The following DLGAP1 variants were observed in gnomAD, a reference collection of about 807,000 sequenced individuals.
The protein encoded by DLGAP1 is disks large-associated protein 1.
In DLGAP1, 11 loss-of-function variants were observed where a neutral mutation model predicts 90.8. The observed-to-expected ratio is 0.12, with a 90% CI of 0.08 to 0.20. DLGAP1 has a LOEUF of 0.20. Among genes scored for constraint, DLGAP1 ranks in the 10% least tolerant of loss-of-function variants. The pLI is 1.00. For synonymous variants in DLGAP1, 558 were observed against 540.7 expected, an observed-to-expected ratio of 1.03 and a Z score of -0.44; for missense variants, 1,050 against 1,333.8, an observed-to-expected ratio of 0.79 and a Z score of 3.31.
At chr18:4,259,191 G>A (rs940460021) in intron 1 of DLGAP1, among the ~76,000 whole-genome samples, 1 of 152,154 alleles carries the variant, frequency 6.6e-6, no homozygotes, top group Admixed American at 6.5e-5. Flanking sequence ...GCGATAGGTG[G>A]TTAGGTCAGA....
intron 1 of DLGAP1, among the ~76,000 whole-genome samples, chr18:4,421,109 G>T (rs1189679787): frequency 6.6e-6 from 1 of 152,174 alleles, no homozygotes. Context: ...ATAACAGAAA[G>T]TTATACTCTC....
In DLGAP1 at chr18:4,087,104, C is replaced by CTA. The variant is rs1443257535; in HGVS notation, c.-159+64074_-159+64075dup. ...ATATATGTATATATGTATATATGTG[C>CTA]TATATATATATACACACACACATTC... On this transcript the variant is annotated intron_variant, in intron 2 of 12. Coordinates refer to ENST00000315677, the MANE Select transcript of DLGAP1 (RefSeq NM_004746.4). Among the ~76,000 whole-genome samples, 33 of 80,246 alleles carry CTA rather than the reference C, an allele frequency of 4.1e-4. 4 individuals are homozygous for CTA. The highest frequency in any genetic ancestry group is 6.4e-4 in the African/African-American group (13 of 20,414). The allele number at this position is 80,246 out of a possible 152,430, so 52.6% of individuals were successfully genotyped here.
chr18:3,812,751 C>T (rs2066905317), intron 5 of DLGAP1, among the ~76,000 whole-genome samples: 3 of 152,210 alleles, frequency 2.0e-5, no homozygotes, highest in Admixed American at 2.0e-4. Context: ...ATACAACATA[C>T]TCTGCTATTT....
chr18:4,265,091 A>G (rs943005846), intron 1 of DLGAP1, among the ~76,000 whole-genome samples: 1 of 147,646 alleles, frequency 6.8e-6, no homozygotes, highest in Non-Finnish European at 1.5e-5. Flanking sequence ...TCTTAATCAT[A>G]TTAATGTAAT....
chr18:3,824,730 C>G (rs116191978), intron 4 of DLGAP1, among the ~76,000 whole-genome samples: 1 of 152,176 alleles, frequency 6.6e-6, no homozygotes, highest in Non-Finnish European at 1.5e-5. Context: ...TCCTGCTTCT[C>G]GTCATCATCA....
chr18:3,974,517 A>G (rs2073528360), intron 3 of DLGAP1, among the ~76,000 whole-genome samples: 1 of 152,210 alleles, frequency 6.6e-6, no homozygotes, highest in African/African-American at 2.4e-5. Context: ...TGAGGAGAGA[A>G]AAAGTCCAGC....
intron 8 of DLGAP1, among the ~76,000 whole-genome samples, chr18:3,568,474 A>C (rs2054561100): frequency 6.6e-6 from 1 of 152,100 alleles, no homozygotes; most frequent in Non-Finnish European, 1.5e-5. Context: ...TTTGAAGAAA[A>C]TTTTAGAATT....
chr18:4,105,989 G>A (rs762170409), intron 2 of DLGAP1, among the ~76,000 whole-genome samples: 5 of 129,302 alleles, frequency 3.9e-5, no homozygotes, highest in Non-Finnish European at 4.7e-5. Flanking sequence ...CCGAGATCGC[G>A]CCACTGCACT....
chr18:4,262,540 T>A (rs562431980), intron 1 of DLGAP1, among the ~76,000 whole-genome samples: 98 of 152,332 alleles, frequency 6.4e-4, no homozygotes, highest in Middle Eastern at 3.4e-3. Context: ...TAGCATTTAA[T>A]TACTTGCAAG....
In DLGAP1 at chr18:4,097,830, G is replaced by T. The variant is rs144656568; in HGVS notation, c.-159+53350C>A. On this transcript the variant is annotated intron_variant, in intron 2 of 12. Transcript: ENST00000315677. ...CCATTGAATGTCAACAAATATAGTGGGATATTTTTCTACGAAGGAGGAAGT... is the reference window on the plus strand; with the variant it reads ...CCATTGAATGTCAACAAATATAGTGTGATATTTTTCTACGAAGGAGGAAGT... Among the ~76,000 whole-genome samples the T allele has an allele frequency of 6.5e-3, 992 of 152,264 alleles. 7 individuals carry two copies. Among genetic ancestry groups the T allele is most frequent in the Middle Eastern group, 0.02 (6 of 294 alleles).
At chr18:4,272,800 G>C (rs116586688) in intron 1 of DLGAP1, among the ~76,000 whole-genome samples, 1,672 of 152,290 alleles carry the variant, frequency 0.011, 32 homozygotes, top group African/African-American at 0.037. Context: ...TTTGGAAATG[G>C]GTTCTTTGCA....
intron 1 of DLGAP1, among the ~76,000 whole-genome samples, chr18:4,152,260 A>G (rs945689905): frequency 6.6e-6 from 1 of 152,228 alleles, no homozygotes; most frequent in African/African-American, 2.4e-5. Context: ...TCAGAAGGGA[A>G]TGAGAAAAAT....
intron 1 of DLGAP1, among the ~76,000 whole-genome samples, chr18:4,222,504 G>T (rs1180393272): frequency 6.6e-6 from 1 of 152,068 alleles, no homozygotes; most frequent in Non-Finnish European, 1.5e-5. Flanking sequence ...CTTTTCAGGT[G>T]ATTCACTATA....
intron 1 of DLGAP1, among the ~76,000 whole-genome samples, chr18:4,151,906 C>T (rs973505083): frequency 6.6e-6 from 1 of 152,124 alleles, no homozygotes; most frequent in Non-Finnish European, 1.5e-5. Context: ...CAGCAAACCA[C>T]CATGGCACAT....
intron 7 of DLGAP1, chr18:3,597,225 A>C: frequency 1.9e-6 from 1 of 515,850 alleles, no homozygotes; most frequent in East Asian, 5.4e-5. Flanking sequence ...GTATCATTTC[A>C]TGAAAATTAG....
chr18:3,754,422 ATT>A (rs559436338), intron 5 of DLGAP1, among the ~76,000 whole-genome samples: 1 of 150,294 alleles, frequency 6.7e-6, no homozygotes, highest in African/African-American at 2.4e-5. Flanking sequence ...ATGTATTGAA[ATT>A]TTTTTTTTGG....
chr18:4,229,823 A>G (rs2078263901), intron 1 of DLGAP1, among the ~76,000 whole-genome samples: 1 of 152,086 alleles, frequency 6.6e-6, no homozygotes, highest in Non-Finnish European at 1.5e-5. Context: ...AAGTTCCTGC[A>G]CAGCAAAGGG....
chr18:3,523,048 A>G (rs2051315266), intron 10 of DLGAP1, among the ~76,000 whole-genome samples: 1 of 152,188 alleles, frequency 6.6e-6, no homozygotes, highest in Non-Finnish European at 1.5e-5. Flanking sequence ...GTGTAAAATG[A>G]AAAAGCTCCT....
chr18:4,289,415 T>C (rs1318223958), intron 1 of DLGAP1, among the ~76,000 whole-genome samples: 1 of 152,216 alleles, frequency 6.6e-6, no homozygotes, highest in African/African-American at 2.4e-5. Flanking sequence ...AGGAGTTATT[T>C]GAAATCAGAA....
Sources: allele counts gnomAD v4.1 joint callset (sites outside exome capture counted in the v4.1 genomes callset), GRCh38; gene constraint gnomAD v4.1.1; transcripts MANE v1.5; gene names NCBI Gene and HGNC (gene_info 2026-07-23, HGNC 2026-07-21).